Variants in SLC12A8 observed in about 807,000 individuals in gnomAD.
The protein encoded by SLC12A8 is cation-chloride cotransporter 9.
A neutral mutation model predicts 75.6 loss-of-function variants in SLC12A8; 69 were observed. That is an observed-to-expected ratio of 0.91 (90% CI 0.75 to 1.11). The LOEUF is 1.11. Ranked by LOEUF, SLC12A8 falls within the 50% of genes most tolerant of loss-of-function variation. The pLI is 0.00. For missense variants in SLC12A8, 877 were observed against 896.7 expected, an observed-to-expected ratio of 0.98 and a Z score of 0.28; for synonymous variants, 365 against 372.8, an observed-to-expected ratio of 0.98 and a Z score of 0.24.
At chr3:125,208,785 C>CAGAGAG (rs1560087653) in intron 2 of SLC12A8, among the ~76,000 whole-genome samples, 5 of 98,490 alleles carry the variant, frequency 5.1e-5, no homozygotes, top group Admixed American at 1.0e-4. Flanking sequence ...CACACACACA[C>CAGAGAG]ACACACAGAG....
chr3:125,099,509 G>A (rs1313646281), intron 10 of SLC12A8, among the ~76,000 whole-genome samples: 1 of 152,090 alleles, frequency 6.6e-6, no homozygotes, highest in African/African-American at 2.4e-5. Context: ...GTATTTAGCA[G>A]ACAAAGACTT....
At chr3:125,189,872 C>T (rs545140708) in intron 3 of SLC12A8, among the ~76,000 whole-genome samples, 32 of 152,196 alleles carry the variant, frequency 2.1e-4, no homozygotes, top group Middle Eastern at 3.4e-3. Flanking sequence ...ATGAACTGAC[C>T]CCCAGGATCT....
intron 5 of SLC12A8, chr3:125,155,037 G>C (rs1399813146): frequency 2.0e-5 from 3 of 152,184 alleles, no homozygotes. Flanking sequence ...CAGGGTTCAT[G>C]TCCCGGGTGA....
At chr3:125,204,828 T>C (rs1935195733) in intron 2 of SLC12A8, among the ~76,000 whole-genome samples, 2 of 152,228 alleles carry the variant, frequency 1.3e-5, no homozygotes, top group South Asian at 4.1e-4. Context: ...TACCAAAATA[T>C]CATATGTACC....
At chr3:125,173,570 G>C (rs1285506281) in intron 5 of SLC12A8, among the ~76,000 whole-genome samples, 1 of 150,844 alleles carries the variant, frequency 6.6e-6, no homozygotes, top group East Asian at 2.0e-4. Flanking sequence ...TCTAGAATGA[G>C]AAAATCTAGG....
chr3:125,166,401 C>T (rs1016484670), intron 5 of SLC12A8, among the ~76,000 whole-genome samples: 2 of 152,202 alleles, frequency 1.3e-5, no homozygotes, highest in African/African-American at 4.8e-5. Flanking sequence ...AGTCCTGCCT[C>T]CTTTCTTCAT....
At chr3:125,135,544 T>C in intron 6 of SLC12A8, 125 bp downstream of exon 6, 4 of 533,884 alleles carry the variant, frequency 7.5e-6, no homozygotes, top group Non-Finnish European at 1.3e-5. Context: ...TAGTCAAAGC[T>C]AAGCCCATAT....
intron 5 of SLC12A8, among the ~76,000 whole-genome samples, chr3:125,176,188 T>C (rs913261830): frequency 6.6e-6 from 1 of 152,138 alleles, no homozygotes; most frequent in South Asian, 2.1e-4. Flanking sequence ...CAGGCCCCAC[T>C]TCTCACCTCA....
rs1938911014 is a variant in SLC12A8 at position 125,102,657 on chromosome 3, T to G, written c.1705+4824A>C. Among the ~76,000 whole-genome samples, 5 of 152,134 alleles carry G rather than the reference T, an allele frequency of 3.3e-5. No homozygotes were observed. In the South Asian group the frequency reaches 1.0e-3, roughly 32 times the overall value. On this transcript the variant is annotated intron_variant, in intron 10 of 13. Transcript: ENST00000469902. ...AATGGTCAGCAACACCTATGACATT[T>G]CTAAGACTAGGCAGCTGGACAGCGA...
intron 10 of SLC12A8, among the ~76,000 whole-genome samples, chr3:125,105,205 G>A (rs867679819): frequency 1.3e-5 from 2 of 149,902 alleles, no homozygotes; most frequent in Non-Finnish European, 3.0e-5. Context: ...ATACAAAATC[G>A]AGATAATAGA....
At chr3:125,120,102 A>AT (rs1456353703) in intron 7 of SLC12A8, among the ~76,000 whole-genome samples, 1 of 152,172 alleles carries the variant, frequency 6.6e-6, no homozygotes, top group Non-Finnish European at 1.5e-5. Context: ...TAGGAAGCAC[A>AT]TACAGTGTCA....
At chr3:125,091,839 TATG>T (rs1938588242) in intron 11 of SLC12A8, among the ~76,000 whole-genome samples, 1 of 152,238 alleles carries the variant, frequency 6.6e-6, no homozygotes, top group Non-Finnish European at 1.5e-5. Flanking sequence ...AGGATGAAAG[TATG>T]ATAACTTAGC....
chr3:125,194,845 A>G (rs1266616701), intron 2 of SLC12A8, among the ~76,000 whole-genome samples: 3 of 152,260 alleles, frequency 2.0e-5, no homozygotes, highest in African/African-American at 7.2e-5. Context: ...ATATTGGATT[A>G]TTAATTAAAC....
At chr3:125,169,759 G>A (rs1311723174) in intron 5 of SLC12A8, among the ~76,000 whole-genome samples, 2 of 152,126 alleles carry the variant, frequency 1.3e-5, no homozygotes, top group Non-Finnish European at 2.9e-5. Flanking sequence ...ATGAAACAAC[G>A]CAGTTTGCCA....
intron 6 of SLC12A8, among the ~76,000 whole-genome samples, chr3:125,121,271 T>C (rs816156): frequency 0.95 from 144,221 of 152,324 alleles, 68,734 homozygotes; most frequent in East Asian, 1. Context: ...CTAATGAAAA[T>C]GAATTAATCC....
At chr3:125,211,257 T>C (rs1935331771) in intron 2 of SLC12A8, 42 bp downstream of exon 2, 1 of 1,568,576 alleles carries the variant, frequency 6.4e-7, no homozygotes, top group East Asian at 2.2e-5. Context: ...ATCCCCGTGC[T>C]CACAGGCCTC....
intron 5 of SLC12A8, among the ~76,000 whole-genome samples, chr3:125,170,615 T>C (rs1055666779): frequency 2.6e-5 from 4 of 152,186 alleles, no homozygotes; most frequent in African/African-American, 9.7e-5. Context: ...CTTGTGCATG[T>C]ATACAAAATA....
chr3:125,195,000 G>T (rs573622638), intron 2 of SLC12A8, among the ~76,000 whole-genome samples: 1 of 152,356 alleles, frequency 6.6e-6, no homozygotes, highest in Non-Finnish European at 1.5e-5. Flanking sequence ...ATGGCTGTGG[G>T]TTCCATGGGC....
At chr3:125,142,401 A>G (rs1379560503) in intron 5 of SLC12A8, among the ~76,000 whole-genome samples, 3 of 152,222 alleles carry the variant, frequency 2.0e-5, no homozygotes, top group Admixed American at 2.0e-4. Context: ...AAGCAGTTAC[A>G]GGTTATCAGG....
Sources: gnomAD v4.1 joint callset for allele counts (sites outside exome capture counted in the v4.1 genomes callset) on GRCh38, gnomAD v4.1.1 for gene constraint, MANE v1.5 for transcripts, NCBI Gene and HGNC (gene_info 2026-07-23, HGNC 2026-07-21) for gene names.